Variants in NRXN2 observed in about 807,000 individuals in gnomAD.
The protein encoded by NRXN2 is neurexin-2-beta.
In NRXN2, 29 loss-of-function variants were observed where a neutral mutation model predicts 128.8. The observed-to-expected ratio is 0.23, with a 90% CI of 0.17 to 0.31. NRXN2 has a LOEUF of 0.31. Among genes scored for constraint, NRXN2 ranks in the 10% least tolerant of loss-of-function variants. The pLI is 1.00. For synonymous variants in NRXN2, 1,098 were observed against 1,075.2 expected (o/e 1.02, Z -0.41); for missense variants, 1,881 against 2,452.6 (o/e 0.77, Z 4.92).
rs994785332 is a variant in NRXN2 at position 64,635,648 on chromosome 11, C to A, written c.3404-196G>T. On this transcript the variant is annotated intron_variant, in intron 17 of 22. Coordinates refer to ENST00000265459, the MANE Select transcript of NRXN2 (RefSeq NM_015080.4). This position sits in a 1 kb window ranked among gnomAD's most constrained non-coding sequence, Gnocchi z 4.8. ...GGGTGCCTGGGTGAGAGCCTGTGCA[C>A]GCGCACAGACAGATGTAGCTGCCTC... Among the ~76,000 whole-genome samples the A allele has an allele frequency of 3.9e-5, 6 of 152,142 alleles. No individual in the cohort carries two copies. The highest frequency in any genetic ancestry group is 8.8e-5 in the Non-Finnish European group (6 of 68,020).
chr11:64,711,005 A>G (rs1157735795), intron 2 of NRXN2, among the ~76,000 whole-genome samples: 4 of 152,112 alleles, frequency 2.6e-5, no homozygotes, highest in Non-Finnish European at 2.9e-5. Context: ...GTAACCCACA[A>G]CCTTGTACCA....
intron 17 of NRXN2, among the ~76,000 whole-genome samples, chr11:64,639,825 G>C (rs935661166): frequency 2.0e-5 from 3 of 152,128 alleles, no homozygotes; most frequent in African/African-American, 7.2e-5. Flanking sequence ...CTCCCACTGG[G>C]GATGCTAGGG....
At chr11:64,710,064 T>G (rs2056747618) in intron 2 of NRXN2, among the ~76,000 whole-genome samples, 1 of 152,070 alleles carries the variant, frequency 6.6e-6, no homozygotes, top group Non-Finnish European at 1.5e-5. Context: ...CCCGCCACCA[T>G]GCCTGGCTGA....
At chr11:64,646,813 G>GA (rs869094523) in intron 17 of NRXN2, among the ~76,000 whole-genome samples, 4 of 232 alleles carry the variant, frequency 0.017, no homozygotes, top group Non-Finnish European at 0.087. Flanking sequence ...TTGGCAGTCA[G>GA]GCTGGAACAC....
chr11:64,613,830 T>G (rs186969212), intron 22 of NRXN2, among the ~76,000 whole-genome samples: 28 of 152,096 alleles, frequency 1.8e-4, no homozygotes, highest in African/African-American at 6.0e-4. Flanking sequence ...ATCCAAGGCG[T>G]GGAGGCTGGG....
chr11:64,608,148 CAG>C (rs1322924272), intron 22 of NRXN2, 66 bp from the exon 23 acceptor site: 19 of 1,237,726 alleles, frequency 1.5e-5, no homozygotes, highest in Middle Eastern at 2.6e-4. Context: ...GCGGCCGGCA[CAG>C]AGAGAGAAAC....
intron 5 of NRXN2, among the ~76,000 whole-genome samples, chr11:64,687,466 T>A (rs2053221130): frequency 6.6e-6 from 1 of 152,196 alleles, no homozygotes; most frequent in Non-Finnish European, 1.5e-5. Flanking sequence ...GGCACAGCAC[T>A]CACTGCAGCT....
intron 17 of NRXN2, among the ~76,000 whole-genome samples, chr11:64,645,467 C>T (rs1356807587): frequency 6.6e-6 from 1 of 152,082 alleles, no homozygotes; most frequent in East Asian, 1.9e-4. Flanking sequence ...CTGGGAGAGG[C>T]AGGAGACAGG....
chr11:64,687,261 G>C lies in NRXN2; in HGVS notation c.851-1314C>G, dbSNP rs114595469. Among the ~76,000 whole-genome samples, 1,053 of 152,354 alleles carry C rather than the reference G, an allele frequency of 6.9e-3. 13 individuals are homozygous for C. Among genetic ancestry groups the C allele is most frequent in the African/African-American group, 0.024 (1,004 of 41,578 alleles). ...ACCAGGAAGCACTTGCCTTCCCCTG[G>C]TGGAGGCAGGGCTCAGCAGCAGTGC... On this transcript the variant is annotated intron_variant, in intron 5 of 22. Transcript: ENST00000265459.
At chr11:64,698,585 G>A (rs537386381) in intron 2 of NRXN2, among the ~76,000 whole-genome samples, 12 of 152,326 alleles carry the variant, frequency 7.9e-5, no homozygotes, top group African/African-American at 2.6e-4. Context: ...TGAGGCCAAG[G>A]GCCCCCAGGC....
intron 6 of NRXN2, among the ~76,000 whole-genome samples, chr11:64,677,514 A>C (rs1267112083): frequency 6.6e-6 from 1 of 152,208 alleles, no homozygotes; most frequent in Non-Finnish European, 1.5e-5. Flanking sequence ...TTTTTCACTC[A>C]TACCTTGCCC....
chr11:64,689,429 C>G (rs2053530964), intron 5 of NRXN2, among the ~76,000 whole-genome samples: 1 of 152,128 alleles, frequency 6.6e-6, no homozygotes, highest in South Asian at 2.1e-4. Flanking sequence ...TTTGCATGGA[C>G]CACACTTTAT....
chr11:64,695,178 C>A (rs908816364), intron 3 of NRXN2, among the ~76,000 whole-genome samples: 62 of 152,288 alleles, frequency 4.1e-4, no homozygotes, highest in African/African-American at 1.5e-3. Flanking sequence ...CTCCTCCTGG[C>A]CCCCAGCCCC....
intron 7 of NRXN2, chr11:64,676,732 T>G: frequency 3.5e-6 from 2 of 563,500 alleles, no homozygotes; most frequent in Non-Finnish European, 3.2e-6. Context: ...ATTCAGGAGT[T>G]AGGGATTACA....
chr11:64,669,888 A>G (rs2050395700), intron 7 of NRXN2, among the ~76,000 whole-genome samples: 1 of 152,090 alleles, frequency 6.6e-6, no homozygotes, highest in African/African-American at 2.4e-5. Flanking sequence ...GCCACAGCTC[A>G]CCCCATTTCT....
rs1247095396 is a variant in NRXN2 at position 64,623,375 on chromosome 11, C to A, written c.3848-297G>T. ...TCCCCACCATGTGCAAGCCTTCCCACCTTCCCCATTCCCTCTCCTCTCCAG... is the reference window on the plus strand; with the variant it reads ...TCCCCACCATGTGCAAGCCTTCCCAACTTCCCCATTCCCTCTCCTCTCCAG... On this transcript the variant is annotated intron_variant, in intron 20 of 22. Coordinates refer to ENST00000265459, the MANE Select transcript of NRXN2 (RefSeq NM_015080.4). The surrounding 1 kb of genome is among the most constrained non-coding windows in gnomAD (Gnocchi z 4.9). 2 of 498,498 alleles carry A rather than the reference C, an allele frequency of 4.0e-6. No individual in the cohort carries two copies. The highest frequency in any genetic ancestry group is 7.3e-6 in the Non-Finnish European group (2 of 275,266). 30.9% of individuals were successfully genotyped at this position (498,498 alleles called of 1,614,324 possible). A position where few individuals can be genotyped will look rare whatever the true frequency, so the allele number is the denominator to read the frequency against.
intron 19 of NRXN2, among the ~76,000 whole-genome samples, chr11:64,627,981 C>T (rs1244375131): frequency 6.6e-6 from 1 of 152,070 alleles, no homozygotes; most frequent in Non-Finnish European, 1.5e-5. Context: ...TCCTTGGGTG[C>T]TTATGAGGCA....
At chr11:64,636,437 G>A (rs183772681) in intron 17 of NRXN2, among the ~76,000 whole-genome samples, 303 of 152,076 alleles carry the variant, frequency 2.0e-3, no homozygotes, top group African/African-American at 6.5e-3. Context: ...CCAGTTTCCC[G>A]GAAAGGAGCC....
rs180847548 is a variant in NRXN2, at chr11:64,651,778, G to A, written c.2537-142C>T. ...GTCCTCGGCTAGGCACTAGCAGCCAGCACAGCTCCAAGAGGAGTGGCAGGA... is the reference window on the plus strand; with the variant it reads ...GTCCTCGGCTAGGCACTAGCAGCCAACACAGCTCCAAGAGGAGTGGCAGGA... On this transcript the variant is annotated intron_variant, in intron 13 of 22. Transcript: ENST00000265459. This position sits in a 1 kb window ranked among gnomAD's most constrained non-coding sequence, Gnocchi z 5.9. 2 of 1,037,278 alleles carry A rather than the reference G, an allele frequency of 1.9e-6. No homozygotes were observed. The highest frequency in any genetic ancestry group is 2.6e-5 in the East Asian group (1 of 39,070). The allele number at this position is 1,037,278 out of a possible 1,614,324, so 64.3% of individuals were successfully genotyped here.
Sources: allele counts gnomAD v4.1 joint callset (sites outside exome capture counted in the v4.1 genomes callset), GRCh38; gene constraint gnomAD v4.1.1; non-coding constraint Gnocchi (gnomAD v3.1); transcripts MANE v1.5; gene names NCBI Gene and HGNC (gene_info 2026-07-23, HGNC 2026-07-21).